The following MEI4 variants were observed in gnomAD, a reference collection of about 807,000 sequenced individuals.
The protein encoded by MEI4 is meiosis-specific protein MEI4.
Under a neutral mutation model 31.4 loss-of-function variants are expected in MEI4, and 27 were observed. The observed-to-expected ratio is 0.86, with a 90% CI of 0.63 to 1.19. The LOEUF (loss-of-function observed/expected upper bound fraction) is 1.19, where lower values mean the gene tolerates loss of function less well. MEI4 is among the 50% of genes most tolerant of loss of function. The pLI is 0.00. For synonymous variants in MEI4, 122 were observed against 145.4 expected (o/e 0.84, Z 1.16); for missense variants, 329 against 398.9 (o/e 0.82, Z 1.49).
At chr6:77,904,824 T>G (rs903870529) in intron 4 of MEI4, among the ~76,000 whole-genome samples, 3 of 152,188 alleles carry the variant, frequency 2.0e-5, no homozygotes, top group Non-Finnish European at 2.9e-5. Flanking sequence ...GTTTTCAGTT[T>G]CACAATTTGC....
intron 4 of MEI4, among the ~76,000 whole-genome samples, chr6:77,834,865 G>C (rs1377285941): frequency 6.6e-6 from 1 of 152,038 alleles, no homozygotes; most frequent in Non-Finnish European, 1.5e-5. Flanking sequence ...TAGGACAAAG[G>C]TTAGTCTTAA....
At chr6:77,903,049 A>G (rs1010598664) in intron 4 of MEI4, among the ~76,000 whole-genome samples, 2 of 152,104 alleles carry the variant, frequency 1.3e-5, no homozygotes, top group Non-Finnish European at 2.9e-5. Context: ...TTTTCGATGG[A>G]GTCTTCAGGG....
In MEI4 at chr6:77,815,746, G is replaced by A. The variant is rs186325362; in HGVS notation, c.769-13185G>A. 2.6e-3 allele frequency among the ~76,000 whole-genome samples: 394 copies of A among 152,188 alleles called. 2 individuals are homozygous for A. Among genetic ancestry groups the A allele is most frequent in the Middle Eastern group, 0.014 (4 of 294 alleles). On this transcript the variant is annotated intron_variant, in intron 3 of 4. Transcript: ENST00000684080. ...GGTACTGCTGGGTTGGAACTTTAGGGAGTATTGAACTCTCTGGCAAATATC... is the reference window on the plus strand; with the variant it reads ...GGTACTGCTGGGTTGGAACTTTAGGAAGTATTGAACTCTCTGGCAAATATC...
chr6:77,803,291 C>T lies in MEI4; in HGVS notation c.769-25640C>T, dbSNP rs374938767. 3.9e-5 allele frequency among the ~76,000 whole-genome samples: 6 copies of T among 152,326 alleles called. No individual in the cohort carries two copies. In the East Asian group the frequency reaches 1.2e-3, roughly 29 times the overall value. ...GCTACTGAGGCTTGTGCATTCGTCACATAGCTCTCATGCCATGGTTTTCAG... is the reference window on the plus strand; with the variant it reads ...GCTACTGAGGCTTGTGCATTCGTCATATAGCTCTCATGCCATGGTTTTCAG... On this transcript the variant is annotated intron_variant, in intron 3 of 4. Transcript: ENST00000684080.
intron 1 of MEI4, among the ~76,000 whole-genome samples, 96 bp downstream of exon 1, chr6:77,653,188 C>G (rs545760912): frequency 6.6e-6 from 1 of 152,184 alleles, no homozygotes. Context: ...TCGCAAGGAT[C>G]TTTCTCAAGC....
intron 4 of MEI4, among the ~76,000 whole-genome samples, chr6:77,902,903 C>G (rs1225780865): frequency 2.6e-5 from 4 of 152,102 alleles, no homozygotes; most frequent in African/African-American, 9.7e-5. Context: ...ACCTCGGGCA[C>G]ATGTCATCAG....
intron 4 of MEI4, among the ~76,000 whole-genome samples, chr6:77,837,858 G>T (rs929160552): frequency 4.6e-5 from 7 of 152,006 alleles, no homozygotes; most frequent in Admixed American, 1.3e-4. Context: ...TTTTTAAAAG[G>T]TGCTTATTAT....
intron 2 of MEI4, among the ~76,000 whole-genome samples, chr6:77,738,810 G>A (rs1767321407): frequency 6.6e-6 from 1 of 152,188 alleles, no homozygotes; most frequent in South Asian, 2.1e-4. Context: ...GTAGCTCATT[G>A]TGGTTTTGAT....
intron 2 of MEI4, among the ~76,000 whole-genome samples, chr6:77,701,077 C>A (rs1335309520): frequency 6.6e-6 from 1 of 152,186 alleles, no homozygotes; most frequent in Admixed American, 6.5e-5. Flanking sequence ...TGGAAGAGAA[C>A]ATACGAGTGA....
At chr6:77,655,324 G>C (rs1354441785) in intron 1 of MEI4, among the ~76,000 whole-genome samples, 1 of 152,092 alleles carries the variant, frequency 6.6e-6, no homozygotes, top group Non-Finnish European at 1.5e-5. Context: ...ATTTGGCTTG[G>C]TTCCAAGCCT....
At chr6:77,823,985 G>T (rs9359295) in intron 3 of MEI4, among the ~76,000 whole-genome samples, 8,650 of 152,212 alleles carry the variant, frequency 0.057, 678 homozygotes, top group African/African-American at 0.17. Context: ...TCTGGCAAGT[G>T]GTTGAACACT....
intron 3 of MEI4, among the ~76,000 whole-genome samples, chr6:77,774,280 A>G (rs1439395733): frequency 6.6e-6 from 1 of 152,106 alleles, no homozygotes; most frequent in African/African-American, 2.4e-5. Flanking sequence ...TCATCAGACG[A>G]ATGGATAAAT....
rs185838380 is a variant in MEI4, at chr6:77,847,890, C to T, written c.900+18828C>T. Among the ~76,000 whole-genome samples the T allele has an allele frequency of 2.0e-5, 3 of 152,234 alleles. No homozygotes were observed. Among genetic ancestry groups the T allele is most frequent in the African/African-American group, 4.8e-5 (2 of 41,542 alleles). ...TAACTCTTACTGACCCTGAAACTCA[C>T]ATTACTTGTTTTCCAAGCTGTAATT... is the stretch of plus-strand genomic sequence containing the variant. On this transcript the variant is annotated intron_variant, in intron 4 of 4. Transcript: ENST00000684080. This position sits in a 1 kb window ranked among gnomAD's most constrained non-coding sequence, Gnocchi z 4.6.
intron 3 of MEI4, among the ~76,000 whole-genome samples, chr6:77,793,012 T>A (rs1768980054): frequency 6.6e-6 from 1 of 152,208 alleles, no homozygotes; most frequent in Admixed American, 6.6e-5. Flanking sequence ...ATGCCTGGCC[T>A]TCCCAACACT....
chr6:77,891,492 G>T (rs7768887), intron 4 of MEI4, among the ~76,000 whole-genome samples: 1 of 151,880 alleles, frequency 6.6e-6, no homozygotes, highest in Non-Finnish European at 1.5e-5. Flanking sequence ...TATCTTTCTC[G>T]TCTGAATTTC....
At chr6:77,769,751 A>T (rs1030135935) in intron 3 of MEI4, among the ~76,000 whole-genome samples, 3 of 152,136 alleles carry the variant, frequency 2.0e-5, no homozygotes, top group Non-Finnish European at 4.4e-5. Flanking sequence ...CATGGGCCAG[A>T]AGGGAACCCA....
chr6:77,802,293 C>A (rs573668608), intron 3 of MEI4, among the ~76,000 whole-genome samples: 1 of 152,012 alleles, frequency 6.6e-6, no homozygotes, highest in Non-Finnish European at 1.5e-5. Context: ...GGATTGCAAC[C>A]CCTGCCTTTG....
chr6:77,660,801 G>A (rs1225532318), intron 1 of MEI4, among the ~76,000 whole-genome samples: 1 of 152,176 alleles, frequency 6.6e-6, no homozygotes, highest in Admixed American at 6.5e-5. Context: ...TGAACCCAGT[G>A]GGGAGGATCC....
intron 4 of MEI4, among the ~76,000 whole-genome samples, chr6:77,883,298 G>T (rs1386139673): frequency 6.6e-6 from 1 of 151,810 alleles, no homozygotes; most frequent in Non-Finnish European, 1.5e-5. Flanking sequence ...TCATTTCTTT[G>T]TGTGGGGAAC....
Sources: gnomAD v4.1 joint callset for allele counts (sites outside exome capture counted in the v4.1 genomes callset) on GRCh38, gnomAD v4.1.1 for gene constraint, Gnocchi (gnomAD v3.1) non-coding constraint, MANE v1.5 for transcripts, NCBI Gene and HGNC (gene_info 2026-07-23, HGNC 2026-07-21) for gene names.